The following NRG3 variants were observed in gnomAD, a reference collection of about 807,000 sequenced individuals.
The protein encoded by NRG3 is pro-neuregulin-3, membrane-bound isoform.
A neutral mutation model predicts 66.9 loss-of-function variants in NRG3; 31 were observed. That is an observed-to-expected ratio of 0.46 (90% CI 0.35 to 0.63). The LOEUF is 0.63. Among genes scored for constraint, NRG3 ranks in the 20% least tolerant of loss-of-function variants. The pLI is 0.00. For synonymous variants in NRG3, 393 were observed against 359.4 expected (o/e 1.09, Z -1.06); for missense variants, 910 against 878.9 (o/e 1.04, Z -0.45).
At chr10:82,836,261 A>T (rs766041508) in intron 3 of NRG3, among the ~76,000 whole-genome samples, 3 of 150,636 alleles carry the variant, frequency 2.0e-5, no homozygotes, top group Admixed American at 6.6e-5. Context: ...GGCCTTTTAT[A>T]AAAAAAAATT....
intron 1 of NRG3, among the ~76,000 whole-genome samples, chr10:81,964,276 C>CT (rs1035282072): frequency 6.7e-5 from 10 of 150,192 alleles, no homozygotes; most frequent in African/African-American, 1.7e-4. Flanking sequence ...TAACTTTATT[C>CT]TTTTTTTAAA....
At chr10:82,133,779 C>T (rs11498562) in intron 1 of NRG3, among the ~76,000 whole-genome samples, 13,905 of 152,012 alleles carry the variant, frequency 0.091, 1,035 homozygotes, top group African/African-American at 0.2. Flanking sequence ...GGTATATACC[C>T]GGTAATGGGA....
intron 3 of NRG3, among the ~76,000 whole-genome samples, chr10:82,767,168 C>A (rs2059548124): frequency 6.6e-6 from 1 of 151,716 alleles, no homozygotes; most frequent in Admixed American, 6.6e-5. Flanking sequence ...TCTATTAATT[C>A]TCTCCCTCCA....
At chr10:82,463,598 T>A (rs2091620854) in intron 2 of NRG3, among the ~76,000 whole-genome samples, 1 of 152,234 alleles carries the variant, frequency 6.6e-6, no homozygotes, top group Non-Finnish European at 1.5e-5. Flanking sequence ...GGAAAGGAGC[T>A]AACTAACATT....
chr10:82,570,907 CAT>C (rs747301142), intron 2 of NRG3, among the ~76,000 whole-genome samples: 1 of 151,620 alleles, frequency 6.6e-6, no homozygotes, highest in African/African-American at 2.4e-5. Context: ...ACACATTCCT[CAT>C]ATATATCTCA....
chr10:82,007,734 A>G (rs939746476), intron 1 of NRG3, among the ~76,000 whole-genome samples: 2 of 152,130 alleles, frequency 1.3e-5, no homozygotes, highest in South Asian at 2.1e-4. Flanking sequence ...TTTCAATACA[A>G]TGAAGACTAG....
At chr10:82,659,532 C>T (rs2052151231) in intron 2 of NRG3, among the ~76,000 whole-genome samples, 3 of 152,038 alleles carry the variant, frequency 2.0e-5, no homozygotes, top group African/African-American at 7.2e-5. Flanking sequence ...GTAGTCCTAG[C>T]TACTCAGGAG....
At chr10:82,327,455 A>ATCTATCTTATTCATTTACATGAATGTCCT (rs2081933494) in intron 1 of NRG3, among the ~76,000 whole-genome samples, 1 of 152,180 alleles carries the variant, frequency 6.6e-6, no homozygotes, top group Non-Finnish European at 1.5e-5. Flanking sequence ...TGCTTTATCT[A>ATCTATCTTATTCATTTACATGAATGTCCT]TCTATCTTAT....
intron 3 of NRG3, among the ~76,000 whole-genome samples, chr10:82,864,274 G>A (rs1443379015): frequency 3.9e-5 from 6 of 152,034 alleles, no homozygotes; most frequent in African/African-American, 1.4e-4. Flanking sequence ...ACTGAGTCAT[G>A]CACTTAAGCA....
chr10:82,953,957 CAA>C (rs5786582), intron 5 of NRG3, among the ~76,000 whole-genome samples: 1 of 141,772 alleles, frequency 7.1e-6, no homozygotes. Flanking sequence ...GATTCAGTCT[CAA>C]AAAAAAAAAA....
chr10:82,838,223 A>C (rs1195664638), intron 3 of NRG3, among the ~76,000 whole-genome samples: 1 of 152,158 alleles, frequency 6.6e-6, no homozygotes, highest in Non-Finnish European at 1.5e-5. Context: ...GTCAGAGAGA[A>C]GGATGAACAG....
chr10:82,803,694 G>C (rs766393731), intron 3 of NRG3, among the ~76,000 whole-genome samples: 2 of 152,140 alleles, frequency 1.3e-5, no homozygotes, highest in African/African-American at 2.4e-5. Context: ...GGGCTTTCAA[G>C]TCAGACATGC....
intron 1 of NRG3, among the ~76,000 whole-genome samples, chr10:82,054,645 G>A (rs1302219871): frequency 6.6e-6 from 1 of 152,114 alleles, no homozygotes; most frequent in Non-Finnish European, 1.5e-5. Context: ...AATATTTAGA[G>A]GCTGGAGAAG....
At chr10:81,924,593 GGTTT>G (rs1445170760) in intron 1 of NRG3, among the ~76,000 whole-genome samples, 1 of 152,246 alleles carries the variant, frequency 6.6e-6, no homozygotes, top group South Asian at 2.1e-4. Flanking sequence ...TGTTTCGACT[GGTTT>G]GTTTAAGATG....
intron 1 of NRG3, among the ~76,000 whole-genome samples, chr10:82,096,069 G>A (rs556680659): frequency 2.0e-5 from 3 of 152,272 alleles, no homozygotes; most frequent in African/African-American, 7.2e-5. Context: ...AACTATAATC[G>A]CAATTCGAGC....
intron 1 of NRG3, among the ~76,000 whole-genome samples, chr10:82,023,775 G>T (rs2062166518): frequency 6.6e-6 from 1 of 151,972 alleles, no homozygotes; most frequent in Admixed American, 6.6e-5. Flanking sequence ...GAGGATTTTT[G>T]CATCCATGTC....
At chr10:82,429,232 G>T (rs2089641729) in intron 2 of NRG3, among the ~76,000 whole-genome samples, 1 of 151,944 alleles carries the variant, frequency 6.6e-6, no homozygotes, top group African/African-American at 2.4e-5. Flanking sequence ...GATAGGAAAA[G>T]AAAATCCTTA....
At chr10:82,113,782 T>G (rs2067532012) in intron 1 of NRG3, among the ~76,000 whole-genome samples, 1 of 152,198 alleles carries the variant, frequency 6.6e-6, no homozygotes, top group African/African-American at 2.4e-5. Context: ...GAAAATACTC[T>G]GCAGTATATT....
At chr10:82,522,287 C>T (rs779025143) in intron 2 of NRG3, among the ~76,000 whole-genome samples, 6 of 152,100 alleles carry the variant, frequency 3.9e-5, no homozygotes, top group Non-Finnish European at 7.4e-5. Flanking sequence ...TCAGGTGATC[C>T]GCCTGCCCCA....
Sources: gnomAD v4.1 joint callset for allele counts (sites outside exome capture counted in the v4.1 genomes callset) on GRCh38, gnomAD v4.1.1 for gene constraint, MANE v1.5 for transcripts, NCBI Gene and HGNC (gene_info 2026-07-23, HGNC 2026-07-21) for gene names.